The following ZNF623 variants were observed in gnomAD, a reference collection of about 807,000 sequenced individuals.
ZNF623 encodes zinc finger protein 623.
ZNF623 carries 16 observed loss-of-function variants against 24.0 expected under a neutral mutation model. That is an observed-to-expected ratio of 0.67 (90% CI 0.45 to 1.01). ZNF623 has a LOEUF of 1.01. Ranked by LOEUF, ZNF623 falls within the 50% of genes least tolerant of loss-of-function variation. ZNF623 has a pLI of 0.00. For synonymous variants in ZNF623, 224 were observed against 219.8 expected, an observed-to-expected ratio of 1.02 and a Z score of -0.17; for missense variants, 566 against 606.5, an observed-to-expected ratio of 0.93 and a Z score of 0.70.
intron 1 of ZNF623, among the ~76,000 whole-genome samples, chr8:143,638,754 C>CAA (rs1481317498): frequency 1.3e-5 from 2 of 149,888 alleles, no homozygotes; most frequent in Non-Finnish European, 3.0e-5. Context: ...GACTCTGTCT[C>CAA]AAAAAATATA....
chr8:143,644,018 G>T (rs918884049), intron 1 of ZNF623, among the ~76,000 whole-genome samples: 3 of 151,894 alleles, frequency 2.0e-5, no homozygotes, highest in Admixed American at 6.6e-5. Context: ...CTCTGGTTTT[G>T]GTTTTTGTTT....
intron 1 of ZNF623, among the ~76,000 whole-genome samples, chr8:143,644,421 T>C (rs1815124527): frequency 6.6e-6 from 1 of 152,124 alleles, no homozygotes; most frequent in Non-Finnish European, 1.5e-5. Context: ...CTTGAGGTAT[T>C]GAAGACAGTA....
Position 143,651,970 on chromosome 8 carries a change from C to G in ZNF623, c.*487C>G, listed in dbSNP as rs1316298783. The G allele has an allele frequency of 5.9e-6, 1 of 168,782 alleles. No homozygotes were observed. Among genetic ancestry groups the G allele is most frequent in the Non-Finnish European group, 1.4e-5 (1 of 69,264 alleles). 10.5% of individuals were successfully genotyped at this position (168,782 alleles called of 1,614,324 possible). ...CTCCCATCGTGTGCCCTAAGGCCTC[C>G]TGCGTCCTGGAGCCCTGCCTCCCAC... On this transcript the variant is annotated 3_prime_UTR_variant, in exon 2 of 2. Transcript: ENST00000526926.
rs909636557 is a variant in ZNF623, at chr8:143,653,283, C to T, written c.*1800C>T. The stretch of plus-strand genomic sequence containing the variant: ...ACGATATAATTTTTTTCTCATGAGG[C>T]CATATTTTGAGTTCTTAAATACTAC... On this transcript the variant is annotated 3_prime_UTR_variant, in exon 2 of 2. Transcript: ENST00000526926. 6.0e-6 allele frequency: 1 copy of T among 166,934 alleles called. No individual in the cohort carries two copies. Among genetic ancestry groups the T allele is most frequent in the Non-Finnish European group, 1.5e-5 (1 of 68,092 alleles). The allele number at this position is 166,934 out of a possible 1,614,324, so 10.3% of individuals were successfully genotyped here. A position where few individuals can be genotyped will look rare whatever the true frequency, so the allele number is the denominator to read the frequency against.
chr8:143,648,301 A>T (rs1432311356), intron 1 of ZNF623, among the ~76,000 whole-genome samples: 1 of 152,018 alleles, frequency 6.6e-6, no homozygotes, highest in Non-Finnish European at 1.5e-5. Context: ...AGATTCACAT[A>T]AGGAGAGTGA....
chr8:143,647,505 G>T (rs143708810), intron 1 of ZNF623, among the ~76,000 whole-genome samples: 10 of 152,332 alleles, frequency 6.6e-5, no homozygotes, highest in Non-Finnish European at 1.5e-4. Context: ...CTCTGATCAG[G>T]TGACGTCAAC....
intron 1 of ZNF623, among the ~76,000 whole-genome samples, chr8:143,643,772 A>G (rs1028492830): frequency 7.2e-5 from 11 of 152,204 alleles, no homozygotes; most frequent in African/African-American, 2.4e-4. Context: ...GCTTTTGCTC[A>G]GCACTTCGTC....
intron 1 of ZNF623, among the ~76,000 whole-genome samples, chr8:143,639,990 A>G (rs1178108585): frequency 6.6e-6 from 1 of 152,176 alleles, no homozygotes; most frequent in African/African-American, 2.4e-5. Flanking sequence ...TGGGGTTTCT[A>G]ACACTTAAAG....
chr8:143,637,896 T>A (rs1378851630), intron 1 of ZNF623, among the ~76,000 whole-genome samples: 1 of 152,144 alleles, frequency 6.6e-6, no homozygotes, highest in African/African-American at 2.4e-5. Flanking sequence ...AGGAGATGGG[T>A]CCATGCTAGT....
intron 1 of ZNF623, among the ~76,000 whole-genome samples, chr8:143,641,441 T>G (rs1815051186): frequency 2.6e-5 from 2 of 78,268 alleles, no homozygotes; most frequent in Non-Finnish European, 5.4e-5. Flanking sequence ...CAGTGAGTAG[T>G]GTTTTTTTTT....
At chr8:143,638,703 C>T (rs7836923) in intron 1 of ZNF623, among the ~76,000 whole-genome samples, 40,052 of 149,572 alleles carry the variant, frequency 0.27, 6,007 homozygotes, top group East Asian at 0.69. Context: ...TGCAGTGAGC[C>T]GAAATTGTGT....
chr8:143,643,605 A>G (rs762990223), intron 1 of ZNF623, among the ~76,000 whole-genome samples: 1 of 152,170 alleles, frequency 6.6e-6, no homozygotes, highest in Non-Finnish European at 1.5e-5. Context: ...TTCCAAAGTG[A>G]GCACCTGTGT....
rs74856006 is a variant in ZNF623 at position 143,642,506 on chromosome 8, C to T, written c.-96+6361C>T. ...TTCTGGGGCTTTTCCTTTGCATTGC[C>T]GCTCAGCCGTTTGATGCAAGAGGCC... On this transcript the variant is annotated intron_variant, in intron 1 of 1. Transcript: ENST00000526926. 1.7e-4 allele frequency among the ~76,000 whole-genome samples: 26 copies of T among 152,312 alleles called. 1 individual carries two copies. The East Asian group carries it at 5.0e-3, about 29-fold the overall frequency.
At chr8:143,644,769 G>A (rs1185129000) in intron 1 of ZNF623, among the ~76,000 whole-genome samples, 1 of 148,730 alleles carries the variant, frequency 6.7e-6, no homozygotes, top group Admixed American at 6.8e-5. Context: ...GGCGGAGGTT[G>A]CAGTGAGCTG....
chr8:143,638,437 C>G (rs1045737917), intron 1 of ZNF623, among the ~76,000 whole-genome samples: 1 of 150,992 alleles, frequency 6.6e-6, no homozygotes, highest in Non-Finnish European at 1.5e-5. Context: ...TAAACAGAAA[C>G]ACCCTGTTTC....
Position 143,650,942 on chromosome 8 carries a change from G to A in ZNF623, c.950G>A (p.Ser317Asn). 1.9e-6 allele frequency: 3 copies of A among 1,614,062 alleles called. No individual in the cohort carries two copies. Among genetic ancestry groups the A allele is most frequent in the East Asian group, 4.5e-5 (2 of 44,874 alleles). Residue 317 changes from serine (S) to asparagine (N), a missense_variant, in exon 2 of 2, where the codon AGC (serine) becomes AAC (asparagine). Coordinates refer to ENST00000526926, the MANE Select transcript of ZNF623 (RefSeq NM_001261843.2). This position sits in a 1 kb window ranked among gnomAD's most constrained non-coding sequence, Gnocchi z 5.2. ...TGCAATGAGTGTGGGAAGCGCTTCA[G>A]CCAGACGTCAAACTTCACCCAGCAT... ...YVCNECGKRF[S>N]QTSNFTQHQR... is the part of the protein sequence containing the mutation.
intron 1 of ZNF623, among the ~76,000 whole-genome samples, chr8:143,645,167 A>G (rs190377512): frequency 0.12 from 17,159 of 138,852 alleles, 1,199 homozygotes; most frequent in Middle Eastern, 0.21. Context: ...TGGTCGGCCG[A>G]GCGTGGTGGC....
intron 1 of ZNF623, among the ~76,000 whole-genome samples, chr8:143,642,120 C>A (rs959860693): frequency 3.3e-5 from 5 of 152,192 alleles, no homozygotes; most frequent in Admixed American, 1.3e-4. Flanking sequence ...TTAGAGTAGC[C>A]ACCTTAGTCA....
chr8:143,637,070 C>T (rs1453064673), intron 1 of ZNF623, among the ~76,000 whole-genome samples: 1 of 152,144 alleles, frequency 6.6e-6, no homozygotes, highest in Non-Finnish European at 1.5e-5. Flanking sequence ...AGCAGCATGC[C>T]GGTAGCAGAA....
Sources: allele counts gnomAD v4.1 joint callset (sites outside exome capture counted in the v4.1 genomes callset), GRCh38; gene constraint gnomAD v4.1.1; non-coding constraint Gnocchi (gnomAD v3.1); transcripts MANE v1.5; gene names NCBI Gene and HGNC (gene_info 2026-07-23, HGNC 2026-07-21).